The following PCDHA3 variants were observed in gnomAD, a reference collection of about 807,000 sequenced individuals.
PCDHA3 encodes the protein protocadherin alpha 3.
PCDHA3 carries 41 observed loss-of-function variants against 62.2 expected under a neutral mutation model. The ratio of observed to expected loss-of-function variants is 0.66; its 90% confidence interval spans 0.51 to 0.86. PCDHA3 has a LOEUF of 0.86. Among genes scored for constraint, PCDHA3 ranks in the 40% least tolerant of loss-of-function variants. The pLI is 0.00. For synonymous variants in PCDHA3, 640 were observed against 555.4 expected (o/e 1.15, Z -2.14); for missense variants, 1,304 against 1,241.2 (o/e 1.05, Z -0.76).
intron 1 of PCDHA3, chr5:140,884,420 T>A: frequency 1.2e-6 from 2 of 1,613,972 alleles, no homozygotes; most frequent in Non-Finnish European, 8.5e-7. Context: ...GTTGCTGCTG[T>A]ATACTGCGCT....
intron 1 of PCDHA3, chr5:140,866,939 C>A (rs2049664187): frequency 6.6e-6 from 1 of 152,126 alleles, no homozygotes; most frequent in Admixed American, 6.6e-5. Context: ...ATAATCTCTT[C>A]ACTAGGGGCT....
chr5:140,820,785 A>T (rs1554127919), intron 1 of PCDHA3, among the ~76,000 whole-genome samples: 1 of 152,086 alleles, frequency 6.6e-6, no homozygotes, highest in Non-Finnish European at 1.5e-5. Context: ...TTGTTATGTA[A>T]GTACAAAGGT....
At chr5:140,829,936 A>G in intron 1 of PCDHA3, 2 of 1,613,968 alleles carry the variant, frequency 1.2e-6, no homozygotes, top group Non-Finnish European at 1.7e-6. Context: ...AGCCCCCGGC[A>G]AGCAGCGCTC....
At position 140,801,306 on chromosome 5, in the gene PCDHA3, G is replaced by A; in HGVS notation, c.109G>A (p.Glu37Lys). The A allele has an allele frequency of 6.2e-7, 1 of 1,613,426 alleles. No homozygotes were observed. Among genetic ancestry groups the A allele is most frequent in the East Asian group, 2.2e-5 (1 of 44,890 alleles). Residue 37 changes from glutamate (E) to lysine (K), a missense_variant, in exon 1 of 4, where the codon GAG becomes AAG. By Grantham distance (56) the Glu-to-Lys change is moderately conservative. Transcript: ENST00000522353. Reference sequence around the variant, plus strand: ...CGGCCAGCTCCACTACTCCGTCTCTGAGGAGGCCAAGCATGGCACCTTCGT... The same window carrying A: ...CGGCCAGCTCCACTACTCCGTCTCTAAGGAGGCCAAGCATGGCACCTTCGT... ...GSGQLHYSVS[E>K]EAKHGTFVGR...
intron 1 of PCDHA3, chr5:140,861,416 C>A (rs1053647411): frequency 8.4e-6 from 4 of 476,934 alleles, no homozygotes; most frequent in African/African-American, 6.0e-5. Context: ...TGATACCGCG[C>A]CTGTTTCAGT....
At chr5:140,906,821 G>A (rs1354317622) in intron 1 of PCDHA3, among the ~76,000 whole-genome samples, 7 of 152,220 alleles carry the variant, frequency 4.6e-5, no homozygotes, top group Non-Finnish European at 7.3e-5. Flanking sequence ...CCACTGTGGA[G>A]TAGTAGACTG....
intron 1 of PCDHA3, chr5:140,856,967 A>G (rs782128989): frequency 1.3e-6 from 2 of 1,593,606 alleles, no homozygotes; most frequent in Non-Finnish European, 1.7e-6. Context: ...AAATGATGCT[A>G]TTGACTTTGA....
chr5:140,871,146 T>G (rs372974792), intron 1 of PCDHA3: 2 of 1,613,386 alleles, frequency 1.2e-6, no homozygotes, highest in African/African-American at 2.7e-5. Flanking sequence ...CTTCCCGGAC[T>G]TTGGCGGGCG....
At chr5:140,843,013 A>C in intron 1 of PCDHA3, 1 of 1,595,130 alleles carries the variant, frequency 6.3e-7, no homozygotes, top group South Asian at 1.1e-5. Context: ...ACGCGCCGGC[A>C]CTGCTGGAGC....
At chr5:140,836,527 T>C (rs2150262895) in intron 1 of PCDHA3, 29 of 1,613,850 alleles carry the variant, frequency 1.8e-5, no homozygotes, top group Non-Finnish European at 2.5e-5. Context: ...GTGCTTACCC[T>C]GCTGCTGTAC....
At chr5:140,849,200 C>G (rs2150432715) in intron 1 of PCDHA3, 2 of 1,040,964 alleles carry the variant, frequency 1.9e-6, no homozygotes, top group Non-Finnish European at 2.7e-6. Flanking sequence ...TACTGGACAA[C>G]AATGACAATG....
chr5:140,814,488 A>C (rs1214995772), intron 1 of PCDHA3: 1 of 151,974 alleles, frequency 6.6e-6, no homozygotes, highest in Non-Finnish European at 1.5e-5. Context: ...TATAAGTAGA[A>C]AGAGTACACT....
At chr5:140,949,816 A>G (rs1223140568) in intron 1 of PCDHA3, among the ~76,000 whole-genome samples, 2 of 151,532 alleles carry the variant, frequency 1.3e-5, no homozygotes, top group African/African-American at 4.8e-5. Context: ...TTTGCTTTCT[A>G]TTTGTCCCCT....
intron 1 of PCDHA3, among the ~76,000 whole-genome samples, chr5:140,941,214 C>CTTCCTTTCTTT (rs1554214039): frequency 8.2e-6 from 1 of 122,414 alleles, no homozygotes; most frequent in Non-Finnish European, 1.7e-5. Context: ...TTTCTTTCTT[C>CTTCCTTTCTTT]CTTTCTTTCT....
intron 3 of PCDHA3, among the ~76,000 whole-genome samples, chr5:140,989,700 C>T (rs1367211310): frequency 6.6e-6 from 1 of 152,178 alleles, no homozygotes; most frequent in East Asian, 1.9e-4. Flanking sequence ...AAAATTTTAT[C>T]TTCAGAGGCA....
At chr5:140,927,472 G>T (rs201932518) in intron 1 of PCDHA3, 4 of 1,614,094 alleles carry the variant, frequency 2.5e-6, no homozygotes, top group African/African-American at 1.3e-5. Context: ...ACTGGATCGC[G>T]AACAGCGCGC....
chr5:140,939,246 C>A (rs536477969), intron 1 of PCDHA3, among the ~76,000 whole-genome samples: 1 of 152,112 alleles, frequency 6.6e-6, no homozygotes, highest in South Asian at 2.1e-4. Context: ...AGCAAGGTAG[C>A]TCTCTGGAAC....
chr5:140,829,951 C>T (rs2150178473), intron 1 of PCDHA3: 3 of 1,614,004 alleles, frequency 1.9e-6, no homozygotes, highest in Non-Finnish European at 2.5e-6. Flanking sequence ...GCGCTCGCTT[C>T]CCGTTTCGCG....
At chr5:140,942,927 A>T (rs914550511) in intron 1 of PCDHA3, among the ~76,000 whole-genome samples, 2 of 152,104 alleles carry the variant, frequency 1.3e-5, no homozygotes, top group Non-Finnish European at 2.9e-5. Flanking sequence ...AAAAAAATTG[A>T]AAAAGAGTTT....
Sources: gnomAD v4.1 joint callset for allele counts (sites outside exome capture counted in the v4.1 genomes callset) on GRCh38, gnomAD v4.1.1 for gene constraint, MANE v1.5 for transcripts, NCBI Gene and HGNC (gene_info 2026-07-23, HGNC 2026-07-21) for gene names.